DUSP6: variants seen among roughly 807,000 people sequenced by gnomAD.
The protein encoded by DUSP6 is dual specificity protein phosphatase 6.
DUSP6 carries 6 observed loss-of-function variants against 28.0 expected under a neutral mutation model. That is an observed-to-expected ratio of 0.21 (90% CI 0.12 to 0.42). The LOEUF (loss-of-function observed/expected upper bound fraction) is 0.42. Ranked by LOEUF, DUSP6 falls within the 10% of genes least tolerant of loss-of-function variation. The probability of loss-of-function intolerance (pLI) is 1.00; values close to 1 mark genes in which losing one functional copy is unlikely to be tolerated. For missense variants in DUSP6, 451 were observed against 498.1 expected, an observed-to-expected ratio of 0.91 and a Z score of 0.90; for synonymous variants, 252 against 217.5, an observed-to-expected ratio of 1.16 and a Z score of -1.40.
rs772530383 is a variant in DUSP6, at chr12:89,351,015, A to C, written c.411T>G (p.Ser137Arg). The stretch of plus-strand genomic sequence containing the variant: ...GCAGGGAGAACTCGGCTTGGAACTT[A>C]CTGAAGCCACCTGCCAGAACGAGAA... Reference protein sequence around the residue: ...CRAFYLEGGFSKFQAEFSLHC... With the variant: ...CRAFYLEGGFRKFQAEFSLHC... The change falls in exon 2 of 3, where the codon AGT becomes AGG. Residue 137 changes from serine (S) to arginine (R), a missense_variant. By Grantham distance (110) the Ser-to-Arg change is moderately radical (BLOSUM62 -1). Around this residue, in one of 2 missense-constraint regions of DUSP6, gnomAD observed 347 missense variants for 346.6 expected, o/e 1.00. Transcript: ENST00000279488. The C allele has an allele frequency of 1.3e-6, 2 of 1,591,204 alleles. No individual in the cohort carries two copies. The highest frequency in any genetic ancestry group is 1.7e-6 in the Non-Finnish European group (2 of 1,171,532).
chr12:89,352,423 C>T lies in DUSP6; in HGVS notation c.-384G>A, dbSNP rs1481043788. The T allele has an allele frequency of 4.6e-6, 1 of 217,396 alleles. No homozygotes were observed. Among genetic ancestry groups the T allele is most frequent in the South Asian group, 8.2e-5 (1 of 12,142 alleles). 13.5% of individuals were successfully genotyped at this position (217,396 alleles called of 1,614,324 possible). The stretch of plus-strand genomic sequence containing the variant: ...AAATCTACCCGGGCGTCTTTCTCCC[C>T]GGATTATTTAAGACTCGATTTGCTA... On this transcript the variant is annotated 5_prime_UTR_variant, in exon 1 of 3. Coordinates refer to ENST00000279488, the MANE Select transcript of DUSP6 (RefSeq NM_001946.4).
In DUSP6 at chr12:89,351,986, C is replaced by T. The variant is rs1176185488; in HGVS notation, c.54G>A (p.Lys18=). 6.2e-7 allele frequency: 1 copy of T among 1,612,976 alleles called. No individual in the cohort carries two copies. Among genetic ancestry groups the T allele is most frequent in the Non-Finnish European group, 8.5e-7 (1 of 1,179,942 alleles). The change falls in exon 1 of 3, where the codon AAG becomes AAA. Residue 18 remains lysine, a synonymous_variant. Transcript: ENST00000279488. ...VPFASEMAIS[K]TVAWLNEQLE... Reference sequence around the variant, plus strand: ...GCTGCTCGTTGAGCCACGCCACCGTCTTGCTGATCGCCATTTCCGACGCGA... The same window carrying T: ...GCTGCTCGTTGAGCCACGCCACCGTTTTGCTGATCGCCATTTCCGACGCGA...
At position 89,348,563 on chromosome 12, in the gene DUSP6, T is replaced by C. The variant is rs893575962; in HGVS notation, c.*691A>G. The stretch of plus-strand genomic sequence containing the variant: ...AGTGTCCGTAAAGATGTCATCAGAA[T>C]TGGTAAAGTCAAGCATGCTGCAAAT... On this transcript the variant is annotated 3_prime_UTR_variant, in exon 3 of 3. Coordinates refer to ENST00000279488, the MANE Select transcript of DUSP6 (RefSeq NM_001946.4). 2.6e-5 allele frequency: 4 copies of C among 152,410 alleles called. No individual in the cohort carries two copies. The highest frequency in any genetic ancestry group is 4.1e-4 in the South Asian group (2 of 4,832). 9.4% of individuals were successfully genotyped at this position (152,410 alleles called of 1,614,324 possible).
intron 2 of DUSP6, 79 bp downstream of exon 2, chr12:89,350,509 C>G (rs1268698583): frequency 7.2e-7 from 1 of 1,396,442 alleles, no homozygotes; most frequent in Non-Finnish European, 9.8e-7. Flanking sequence ...GCAGCAAGAA[C>G]GATTAACAGC....
In DUSP6 at chr12:89,352,376, C is replaced by T. The variant is rs1438143686; in HGVS notation, c.-337G>A. 2 of 326,530 alleles carry T rather than the reference C, an allele frequency of 6.1e-6. No individual in the cohort carries two copies. The highest frequency in any genetic ancestry group is 6.2e-5 in the East Asian group (1 of 16,256). 20.2% of individuals were successfully genotyped at this position (326,530 alleles called of 1,614,324 possible). On this transcript the variant is annotated 5_prime_UTR_variant, in exon 1 of 3. Coordinates refer to ENST00000279488, the MANE Select transcript of DUSP6 (RefSeq NM_001946.4). Reference sequence around the variant, plus strand: ...AAAAAAAGTCTAGCGGCTTCTAATCCCTCCCTCCAAGGCTGCACCTCAAAT... The same window carrying T: ...AAAAAAAGTCTAGCGGCTTCTAATCTCTCCCTCCAAGGCTGCACCTCAAAT...
At chr12:89,349,688 A>C in intron 2 of DUSP6, 127 bp from the exon 3 acceptor site, 1 of 657,980 alleles carries the variant, frequency 1.5e-6, no homozygotes, top group Non-Finnish European at 2.6e-6. Context: ...TGAGCCCTAC[A>C]AGCAGCAGAA....
chr12:89,350,591 T>C lies in DUSP6; in HGVS notation c.835A>G (p.Ile279Val), dbSNP rs1426014872. 1 of 1,612,748 alleles carries C rather than the reference T, an allele frequency of 6.2e-7. No homozygotes were observed. Among genetic ancestry groups the C allele is most frequent in the Admixed American group, 1.7e-5 (1 of 59,986 alleles). ...SQFFPEAISF[I>V]DEARGKNCGV... ...GACGACTATTAATTAGTCTCACCTATGAAAGAAATGGCCTCAGGGAAAAAC... is the reference window on the plus strand; with the variant it reads ...GACGACTATTAATTAGTCTCACCTACGAAAGAAATGGCCTCAGGGAAAAAC... Residue 279 changes from isoleucine to valine, a missense_variant, in exon 2 of 3, where the codon ATA becomes GTA. Around this residue, in one of 2 missense-constraint regions of DUSP6, gnomAD observed 104 missense variants for 151.4 expected, o/e 0.69. Transcript: ENST00000279488.
chr12:89,352,180 G>T lies in DUSP6; in HGVS notation c.-141C>A. 7.6e-7 allele frequency: 1 copy of T among 1,317,210 alleles called. No individual in the cohort carries two copies. Among genetic ancestry groups the T allele is most frequent in the East Asian group, 2.3e-5 (1 of 42,560 alleles). The allele number at this position is 1,317,210 out of a possible 1,614,324, so 81.6% of individuals were successfully genotyped here. ...CGCCTTACCCAAGCCGAGGCTAGCGGTTGGGGCAGACGAGACAGAAGTAAA... is the reference window on the plus strand; with the variant it reads ...CGCCTTACCCAAGCCGAGGCTAGCGTTTGGGGCAGACGAGACAGAAGTAAA... On this transcript the variant is annotated 5_prime_UTR_variant, in exon 1 of 3. Transcript: ENST00000279488.
rs1250541077 is a variant in DUSP6 at position 89,351,956 on chromosome 12, C to T, written c.84G>A (p.Glu28=). 2 of 1,612,942 alleles carry T rather than the reference C, an allele frequency of 1.2e-6. No individual in the cohort carries two copies. The highest frequency in any genetic ancestry group is 1.7e-6 in the Non-Finnish European group (2 of 1,179,966). ...TCAGCAGCAGCCGCTCGTTGCCCAG[C>T]TCCAGCTGCTCGTTGAGCCACGCCA... ...KTVAWLNEQL[E]LGNERLLLMD... The change falls in exon 1 of 3, where the codon GAG becomes GAA. Residue 28 remains glutamate, a synonymous_variant. Coordinates refer to ENST00000279488, the MANE Select transcript of DUSP6 (RefSeq NM_001946.4).
At chr12:89,351,419 G>A in intron 1 of DUSP6, 4 of 746,480 alleles carry the variant, frequency 5.4e-6, no homozygotes, top group South Asian at 4.1e-5. Flanking sequence ...AGAAACCGCC[G>A]GTACCCGCAG....
rs1234814936 is a variant in DUSP6 at position 89,350,682 on chromosome 12, C to G, written c.744G>C (p.Glu248Asp). ...NVTPNLPNLF[E>D]NAGEFKYKQI... The stretch of plus-strand genomic sequence containing the variant: ...GCTTGTATTTAAACTCTCCTGCGTT[C>G]TCAAAGAGATTCGGCAAATTGGGGG... The change falls in exon 2 of 3, where the codon GAG becomes GAC. Residue 248 changes from glutamate (E) to aspartate (D), a missense_variant. This residue lies in a region of DUSP6 where 347 missense variants were observed against 346.6 expected (regional missense o/e 1.00). Transcript: ENST00000279488. The G allele has an allele frequency of 1.2e-6, 2 of 1,614,166 alleles. No homozygotes were observed. Among genetic ancestry groups the G allele is most frequent in the Non-Finnish European group, 1.7e-6 (2 of 1,180,030 alleles).
At chr12:89,351,522 G>A (rs2120504005) in intron 1 of DUSP6, 118 bp downstream of exon 1, 2 of 1,419,942 alleles carry the variant, frequency 1.4e-6, no homozygotes, top group South Asian at 1.5e-5. Flanking sequence ...TCCCTAGGCG[G>A]GCAGCGCGGC....
rs1565873909 is a variant in DUSP6 at position 89,349,054 on chromosome 12, G to A, written c.*200C>T. The A allele has an allele frequency of 3.3e-6, 2 of 604,440 alleles. No homozygotes were observed. Among genetic ancestry groups the A allele is most frequent in the East Asian group, 2.8e-5 (1 of 35,472 alleles). 37.4% of individuals were successfully genotyped at this position (604,440 alleles called of 1,614,324 possible). On this transcript the variant is annotated 3_prime_UTR_variant, in exon 3 of 3. Transcript: ENST00000279488. ...CCTACTGCCTGTATCTATACAGCAT[G>A]TCCTGTTATTCCAAAGAGAATGGAG...
chr12:89,351,994 T>C lies in DUSP6; in HGVS notation c.46A>G (p.Ile16Val), dbSNP rs1273231232. The change falls in exon 1 of 3, where the codon ATC becomes GTC. Residue 16 changes from isoleucine (I) to valine (V), a missense_variant. By Grantham distance (29) the Ile-to-Val change is conservative. Transcript: ENST00000279488. Reference sequence around the variant, plus strand: ...TTGAGCCACGCCACCGTCTTGCTGATCGCCATTTCCGACGCGAAGGGCACG... The same window carrying C: ...TTGAGCCACGCCACCGTCTTGCTGACCGCCATTTCCGACGCGAAGGGCACG... ...RPVPFASEMA[I>V]SKTVAWLNEQ... 1 of 1,612,920 alleles carries C rather than the reference T, an allele frequency of 6.2e-7. No individual in the cohort carries two copies. Among genetic ancestry groups the C allele is most frequent in the Non-Finnish European group, 8.5e-7 (1 of 1,179,936 alleles).
At position 89,350,012 on chromosome 12, in the gene DUSP6, G is replaced by A. The variant is rs140042461; in HGVS notation, c.839-451C>T. 3.9e-4 allele frequency among the ~76,000 whole-genome samples: 60 copies of A among 152,262 alleles called. No individual in the cohort carries two copies. In the East Asian group the frequency reaches 0.011, roughly 27 times the overall value. On this transcript the variant is annotated intron_variant, in intron 2 of 2. Transcript: ENST00000279488. Reference sequence around the variant, plus strand: ...ATTAGGAGGAACAGGATGTCGACACGGCCTGAAAATGAGTTCCTTTGTAAT... The same window carrying A: ...ATTAGGAGGAACAGGATGTCGACACAGCCTGAAAATGAGTTCCTTTGTAAT...
intron 1 of DUSP6, 199 bp from the exon 2 acceptor site, chr12:89,351,224 T>C: frequency 2.9e-6 from 2 of 694,866 alleles, no homozygotes; most frequent in South Asian, 2.0e-5. Flanking sequence ...CAGGGAACCC[T>C]TATTCGCTTG....
At chr12:89,349,608 C>T (rs760231315) in intron 2 of DUSP6, 47 bp from the exon 3 acceptor site, 11 of 1,461,994 alleles carry the variant, frequency 7.5e-6, no homozygotes, top group Middle Eastern at 2.0e-4. Context: ...CTGAAAACCA[C>T]CCTTTGTGAA....
chr12:89,347,525 G>C lies in DUSP6; in HGVS notation c.*1729C>G, dbSNP rs570760578. 1 of 152,326 alleles carries C rather than the reference G, an allele frequency of 6.6e-6. No homozygotes were observed. Among genetic ancestry groups the C allele is most frequent in the Non-Finnish European group, 1.5e-5 (1 of 68,038 alleles). 9.4% of individuals were successfully genotyped at this position (152,326 alleles called of 1,614,324 possible). A position where few individuals can be genotyped will look rare whatever the true frequency, so the allele number is the denominator to read the frequency against. On this transcript the variant is annotated 3_prime_UTR_variant, in exon 3 of 3. Transcript: ENST00000279488. ...CTTAGATATGCCTTGCCATGCGCAT[G>C]CTAGGGGAAAAAGTGGAGACATCAT... is the stretch of plus-strand genomic sequence containing the variant.
chr12:89,350,521 T>C, intron 2 of DUSP6, 67 bp downstream of exon 2: 1 of 1,485,874 alleles, frequency 6.7e-7, no homozygotes, highest in Admixed American at 1.7e-5. Context: ...ATTAACAGCT[T>C]AAACTCTATG....
Sources: gnomAD v4.1 joint callset for allele counts (sites outside exome capture counted in the v4.1 genomes callset) on GRCh38, gnomAD v4.1.1 for gene constraint, gnomAD v4.1.1 regional missense constraint, MANE v1.5 for transcripts, NCBI Gene and HGNC (gene_info 2026-07-23, HGNC 2026-07-21) for gene names.